SLC47A1: variants seen among roughly 807,000 people sequenced by gnomAD.
SLC47A1 encodes the protein solute carrier family 47 member 1.
SLC47A1 carries 58 observed loss-of-function variants against 65.8 expected under a neutral mutation model. The observed-to-expected ratio is 0.88, with a 90% CI of 0.71 to 1.10. The LOEUF is 1.10. Among genes scored for constraint, SLC47A1 ranks in the 50% least tolerant of loss-of-function variants. The probability of loss-of-function intolerance (pLI) is 0.00; values close to 1 mark genes in which losing one functional copy is unlikely to be tolerated. For missense variants in SLC47A1, 706 were observed against 719.2 expected (o/e 0.98, Z 0.21); for synonymous variants, 285 against 295.0 (o/e 0.97, Z 0.35).
rs1369224834 is a variant in SLC47A1, at chr17:19,577,346, A to G, written c.1506A>G (p.Glu502=). 6.2e-7 allele frequency: 1 copy of G among 1,614,224 alleles called. No individual in the cohort carries two copies. The highest frequency in any genetic ancestry group is 8.5e-7 in the Non-Finnish European group (1 of 1,180,030). ...PLHPGCPENL[E]GILTNDVGKT... ...TCCCAGGGTGCCCTGAAAACCTTGAAGGAATTTTAACGAACGATGTTGGAA... is the reference window on the plus strand; with the variant it reads ...TCCCAGGGTGCCCTGAAAACCTTGAGGGAATTTTAACGAACGATGTTGGAA... Residue 502 remains glutamate (E), a synonymous_variant, in exon 17 of 17, where the codon GAA becomes GAG. Coordinates refer to ENST00000270570, the MANE Select transcript of SLC47A1 (RefSeq NM_018242.3).
At chr17:19,577,293 C>T in intron 16 of SLC47A1, 34 bp from the exon 17 acceptor site, 1 of 1,593,718 alleles carries the variant, frequency 6.3e-7, no homozygotes, top group Non-Finnish European at 8.5e-7. Flanking sequence ...AAAAAAAATC[C>T]CTTTTAAGCT....
At chr17:19,551,393 A>C in intron 5 of SLC47A1, 31 bp from the exon 6 acceptor site, 2 of 1,578,864 alleles carry the variant, frequency 1.3e-6, no homozygotes, top group Non-Finnish European at 1.7e-6. Flanking sequence ...AGGCTGAAAC[A>C]TTAACATTCA....
At chr17:19,539,201 G>A (rs1025921946) in intron 1 of SLC47A1, among the ~76,000 whole-genome samples, 8 of 152,230 alleles carry the variant, frequency 5.3e-5, no homozygotes, top group South Asian at 4.1e-4. Flanking sequence ...ATAAGCCACC[G>A]TGCCCGGCCC....
chr17:19,562,357 G>A (rs2084318168), intron 12 of SLC47A1, among the ~76,000 whole-genome samples: 1 of 152,086 alleles, frequency 6.6e-6, no homozygotes, highest in Admixed American at 6.5e-5. Flanking sequence ...GAGTTTAGGA[G>A]TTCAAGACCA....
intron 10 of SLC47A1, chr17:19,557,313 A>AT (rs1597503112): frequency 6.1e-6 from 1 of 164,280 alleles, no homozygotes; most frequent in Admixed American, 5.9e-5. Context: ...TTTAACATGG[A>AT]TTTTTTACTT....
intron 1 of SLC47A1, among the ~76,000 whole-genome samples, chr17:19,539,148 C>G (rs1181043993): frequency 6.6e-6 from 1 of 152,076 alleles, no homozygotes; most frequent in Non-Finnish European, 1.5e-5. Context: ...TGGGCTCAAG[C>G]AGTCCTCTTG....
At chr17:19,536,571 G>A (rs1915994206) in intron 1 of SLC47A1, among the ~76,000 whole-genome samples, 1 of 152,156 alleles carries the variant, frequency 6.6e-6, no homozygotes, top group Admixed American at 6.6e-5. Context: ...GTGTGTCTCT[G>A]CTTTGTGAAA....
intron 12 of SLC47A1, among the ~76,000 whole-genome samples, chr17:19,560,783 G>C (rs1197903230): frequency 6.6e-6 from 1 of 151,628 alleles, no homozygotes; most frequent in African/African-American, 2.4e-5. Context: ...GGAGGCTGAA[G>C]CTGGAGAATC....
chr17:19,540,849 G>GACACACACACAC lies in SLC47A1; in HGVS notation c.136-1527_136-1516dup, dbSNP rs144308134. On this transcript the variant is annotated intron_variant, in intron 1 of 16. Coordinates refer to ENST00000270570, the MANE Select transcript of SLC47A1 (RefSeq NM_018242.3). ...CAAGAAAGATACTTCTCCTACAACA[G>GACACACACACAC]ACACACACACACACACACACACACA... Among the ~76,000 whole-genome samples, 181 of 143,006 alleles carry GACACACACACAC rather than the reference G, an allele frequency of 1.3e-3. 1 individual carries two copies. Among genetic ancestry groups the GACACACACACAC allele is most frequent in the African/African-American group, 3.7e-3 (147 of 39,912 alleles). 93.8% of individuals were successfully genotyped at this position (143,006 alleles called of 152,430 possible).
At chr17:19,551,202 G>A (rs1215258710) in intron 5 of SLC47A1, among the ~76,000 whole-genome samples, 1 of 152,188 alleles carries the variant, frequency 6.6e-6, no homozygotes, top group Non-Finnish European at 1.5e-5. Context: ...CCAGATGGAG[G>A]GAATATGCTT....
chr17:19,549,490 G>A (rs1323516072), intron 4 of SLC47A1, 145 bp from the exon 5 acceptor site: 21 of 820,468 alleles, frequency 2.6e-5, no homozygotes, highest in South Asian at 7.8e-5. Context: ...CACCGCGCCC[G>A]GCCTGCTCCA....
At chr17:19,562,170 G>A (rs187310410) in intron 12 of SLC47A1, among the ~76,000 whole-genome samples, 29 of 152,270 alleles carry the variant, frequency 1.9e-4, no homozygotes, top group Admixed American at 9.8e-4. Flanking sequence ...CTGGTGGAGC[G>A]GACAGAACTA....
chr17:19,542,372 C>T (rs991252777), intron 1 of SLC47A1, 21 bp from the exon 2 acceptor site: 14 of 1,580,010 alleles, frequency 8.9e-6, no homozygotes, highest in Non-Finnish European at 1.1e-5. Flanking sequence ...CACGTCCCTT[C>T]CCGTTCCCCT....
chr17:19,559,577 G>A (rs1019173259), intron 10 of SLC47A1, among the ~76,000 whole-genome samples: 3 of 152,150 alleles, frequency 2.0e-5, no homozygotes, highest in African/African-American at 7.2e-5. Flanking sequence ...TGTCGCACAG[G>A]CTGGAATGTA....
chr17:19,566,794 A>G lies in SLC47A1; in HGVS notation c.1111A>G (p.Ile371Val), dbSNP rs1233275373. 6.2e-7 allele frequency: 1 copy of G among 1,614,154 alleles called. No individual in the cohort carries two copies. Among genetic ancestry groups the G allele is most frequent in the Non-Finnish European group, 8.5e-7 (1 of 1,180,018 alleles). Reference protein sequence around the residue: ...VGYIFTTDRDIINLVAQVVPI... With the variant: ...VGYIFTTDRDVINLVAQVVPI... ...CGTGCTTTATTTTCCTAACAGAGAC[A>G]TCATTAATCTGGTGGCTCAGGTGGT... is the stretch of plus-strand genomic sequence containing the variant. The change falls in exon 13 of 17, where the codon ATC (isoleucine) becomes GTC (valine). Residue 371 changes from isoleucine to valine, a missense_variant. Ile to Val is a conservative substitution (Grantham distance 29). Transcript: ENST00000270570.
chr17:19,551,993 A>G (rs1447425262), intron 6 of SLC47A1, among the ~76,000 whole-genome samples: 1 of 152,248 alleles, frequency 6.6e-6, no homozygotes, highest in Non-Finnish European at 1.5e-5. Context: ...GCCAAAGGCC[A>G]TGGCTTGGTA....
intron 5 of SLC47A1, 112 bp downstream of exon 5, chr17:19,549,789 G>C: frequency 8.6e-7 from 1 of 1,167,282 alleles, no homozygotes; most frequent in Non-Finnish European, 1.3e-6. Flanking sequence ...CTTATCTGTG[G>C]TGTTGGTGCC....
At chr17:19,553,380 TC>T (rs1916508807) in intron 6 of SLC47A1, among the ~76,000 whole-genome samples, 1 of 152,108 alleles carries the variant, frequency 6.6e-6, no homozygotes, top group African/African-American at 2.4e-5. Flanking sequence ...TGGGTGGAAT[TC>T]CGTGGCCTCA....
At chr17:19,548,450 G>T (rs1916353775) in intron 4 of SLC47A1, among the ~76,000 whole-genome samples, 1 of 151,628 alleles carries the variant, frequency 6.6e-6, no homozygotes, top group Non-Finnish European at 1.5e-5. Flanking sequence ...AATCACCTGG[G>T]TGCTTTCAAA....
Sources: gnomAD v4.1 joint callset for allele counts (sites outside exome capture counted in the v4.1 genomes callset) on GRCh38, gnomAD v4.1.1 for gene constraint, MANE v1.5 for transcripts, NCBI Gene and HGNC (gene_info 2026-07-23, HGNC 2026-07-21) for gene names.